Variants in ASTN1 observed in about 807,000 individuals in gnomAD.
ASTN1 encodes astrotactin 1.
In ASTN1, 41 loss-of-function variants were observed where a neutral mutation model predicts 140.7. The observed-to-expected ratio is 0.29, with a 90% confidence interval of 0.23 to 0.38. The LOEUF (loss-of-function observed/expected upper bound fraction) is 0.38, where lower values mean the gene tolerates loss of function less well. Ranked by LOEUF, ASTN1 falls within the 10% of genes least tolerant of loss-of-function variation. ASTN1 has a pLI of 1.00. For synonymous variants in ASTN1, 640 were observed against 652.2 expected, an observed-to-expected ratio of 0.98 and a Z score of 0.29; for missense variants, 1,479 against 1,678.8, an observed-to-expected ratio of 0.88 and a Z score of 2.08.
At chr1:176,957,910 T>C in intron 10 of ASTN1, 82 bp from the exon 11 acceptor site, 1 of 1,457,428 alleles carries the variant, frequency 6.9e-7, no homozygotes. Flanking sequence ...CATGCTCCTA[T>C]CTAGTCAACT....
intron 16 of ASTN1, among the ~76,000 whole-genome samples, chr1:176,898,326 C>G (rs1359090476): frequency 3.9e-5 from 6 of 152,188 alleles, no homozygotes; most frequent in Non-Finnish European, 7.3e-5. Flanking sequence ...GCCTTCTGGT[C>G]CCCTCGCCAA....
intron 16 of ASTN1, among the ~76,000 whole-genome samples, chr1:176,897,931 A>G (rs1669592481): frequency 6.6e-6 from 1 of 152,112 alleles, no homozygotes; most frequent in South Asian, 2.1e-4. Context: ...TCCTCTCATT[A>G]CTAAGCATGT....
At chr1:176,931,847 G>A (rs1671216582) in intron 16 of ASTN1, among the ~76,000 whole-genome samples, 1 of 152,152 alleles carries the variant, frequency 6.6e-6, no homozygotes, top group Non-Finnish European at 1.5e-5. Context: ...AGTTGAATAA[G>A]GCAAAGAACC....
chr1:177,159,292 A>G (rs902484094), intron 1 of ASTN1, among the ~76,000 whole-genome samples: 5 of 152,204 alleles, frequency 3.3e-5, no homozygotes, highest in Non-Finnish European at 7.3e-5. Context: ...CATGAGTTAT[A>G]TAAGTGCTGA....
At chr1:177,104,706 T>A (rs1680467019) in intron 1 of ASTN1, among the ~76,000 whole-genome samples, 1 of 152,230 alleles carries the variant, frequency 6.6e-6, no homozygotes, top group African/African-American at 2.4e-5. Context: ...CTGCACTATG[T>A]GCAGAGAATA....
chr1:176,960,400 C>G (rs1325363365), intron 9 of ASTN1, among the ~76,000 whole-genome samples: 1 of 152,172 alleles, frequency 6.6e-6, no homozygotes, highest in Admixed American at 6.5e-5. Context: ...TGCATTGATG[C>G]AGAGCAACAA....
At chr1:177,133,987 G>A (rs1682056172) in intron 1 of ASTN1, among the ~76,000 whole-genome samples, 1 of 152,154 alleles carries the variant, frequency 6.6e-6, no homozygotes, top group Admixed American at 6.5e-5. Flanking sequence ...ACTGTGTTAT[G>A]CCTACAGTAG....
At chr1:176,867,843 C>T (rs1668181241) in intron 22 of ASTN1, among the ~76,000 whole-genome samples, 1 of 152,196 alleles carries the variant, frequency 6.6e-6, no homozygotes, top group Admixed American at 6.5e-5. Flanking sequence ...TTGTATGGTA[C>T]TTTCATTCTG....
intron 2 of ASTN1, among the ~76,000 whole-genome samples, chr1:177,039,244 A>C (rs1676863970): frequency 6.6e-6 from 1 of 152,228 alleles, no homozygotes; most frequent in Admixed American, 6.5e-5. Context: ...AGACATACTG[A>C]ATTCAAATTA....
At chr1:177,079,481 T>TA (rs1388149330) in intron 1 of ASTN1, among the ~76,000 whole-genome samples, 15 of 152,150 alleles carry the variant, frequency 9.9e-5, no homozygotes, top group Non-Finnish European at 1.8e-4. Flanking sequence ...CCTTCCAACT[T>TA]AAAAAATATA....
intron 17 of ASTN1, among the ~76,000 whole-genome samples, chr1:176,894,247 A>G (rs1669394318): frequency 1.3e-5 from 2 of 152,178 alleles, no homozygotes; most frequent in African/African-American, 4.8e-5. Context: ...TCCCCAAGGC[A>G]CGAGGGTTCT....
chr1:176,940,752 A>C (rs1432071574), intron 14 of ASTN1, among the ~76,000 whole-genome samples: 1 of 152,238 alleles, frequency 6.6e-6, no homozygotes, highest in Non-Finnish European at 1.5e-5. Context: ...CAGCAGCAAG[A>C]TAAGACATGT....
chr1:176,949,056 G>C (rs1557983297), intron 12 of ASTN1, 129 bp downstream of exon 12: 13 of 1,311,854 alleles, frequency 9.9e-6, no homozygotes, highest in East Asian at 2.3e-5. Context: ...AGTCCTAGAG[G>C]CTCTTTCCTC....
intron 16 of ASTN1, among the ~76,000 whole-genome samples, chr1:176,905,052 C>T (rs1165044703): frequency 1.3e-5 from 2 of 152,200 alleles, no homozygotes; most frequent in Admixed American, 6.5e-5. Flanking sequence ...CTTATCTGTT[C>T]TCCACCTCTC....
At chr1:177,164,180 C>T (rs1218505379) in intron 1 of ASTN1, among the ~76,000 whole-genome samples, 6 of 152,066 alleles carry the variant, frequency 3.9e-5, no homozygotes, top group African/African-American at 1.2e-4. Context: ...TGAGAGGAGG[C>T]TCAGCATCCA....
Position 177,031,863 on chromosome 1 carries a change from A to T in ASTN1, c.865+593T>A, listed in dbSNP as rs538843980. On this transcript the variant is annotated intron_variant, in intron 3 of 22. Transcript: ENST00000361833. ...TTTGACCCTAATCTTGTTCATCTGG[A>T]TTAGTTCTTCCAGTCAGTGTCTCCA... Among the ~76,000 whole-genome samples, 3 of 152,296 alleles carry T rather than the reference A, an allele frequency of 2.0e-5. No homozygotes were observed. The East Asian group carries it at 5.8e-4, about 29-fold the overall frequency.
rs1553231482 is a variant in ASTN1 at position 176,942,820 on chromosome 1, G to GTGTATATATA, written c.2377+1070_2377+1071insTATATATACA. On this transcript the variant is annotated intron_variant, in intron 14 of 22. Transcript: ENST00000361833. ...CCAAACCAATGTACTTTGTGTGTGT[G>GTGTATATATA]TATATATATATATATGTATATATAT... is the stretch of plus-strand genomic sequence containing the variant. Among the ~76,000 whole-genome samples the GTGTATATATA allele has an allele frequency of 1.4e-3, 35 of 25,320 alleles. 4 individuals are homozygous for GTGTATATATA. Among genetic ancestry groups the GTGTATATATA allele is most frequent in the Non-Finnish European group, 2.1e-3 (26 of 12,432 alleles). 16.6% of individuals were successfully genotyped at this position (25,320 alleles called of 152,430 possible). A position where few individuals can be genotyped will look rare whatever the true frequency, so the allele number is the denominator to read the frequency against.
intron 1 of ASTN1, among the ~76,000 whole-genome samples, chr1:177,113,733 G>A (rs1024255890): frequency 2.6e-5 from 4 of 152,118 alleles, no homozygotes; most frequent in Admixed American, 6.5e-5. Context: ...CCCAAGTCTC[G>A]CCACAGGATT....
At chr1:176,979,884 G>A (rs372139108) in intron 8 of ASTN1, among the ~76,000 whole-genome samples, 1 of 152,134 alleles carries the variant, frequency 6.6e-6, no homozygotes, top group Admixed American at 6.5e-5. Context: ...GGGAGAGATT[G>A]CCAAATTGAG....
Sources: gnomAD v4.1 joint callset for allele counts (sites outside exome capture counted in the v4.1 genomes callset) on GRCh38, gnomAD v4.1.1 for gene constraint, MANE v1.5 for transcripts, NCBI Gene and HGNC (gene_info 2026-07-23, HGNC 2026-07-21) for gene names.